Variants in RARB observed in about 807,000 individuals in gnomAD.
The protein encoded by RARB is retinoic acid receptor beta.
A neutral mutation model predicts 51.9 loss-of-function variants in RARB; 17 were observed. That is an observed-to-expected ratio of 0.33 (90% confidence interval 0.22 to 0.49). RARB has a LOEUF of 0.49. Among genes scored for constraint, RARB ranks in the 20% least tolerant of loss-of-function variants. The pLI is 0.99. For synonymous variants in RARB, 215 were observed against 195.4 expected, an observed-to-expected ratio of 1.10 and a Z score of -0.84; for missense variants, 369 against 550.8, an observed-to-expected ratio of 0.67 and a Z score of 3.30.
chr3:25,177,656 C>T (rs1700782113), intron 5 of RARB, among the ~76,000 whole-genome samples: 1 of 152,160 alleles, frequency 6.6e-6, no homozygotes, highest in Non-Finnish European at 1.5e-5. Context: ...TGAGGTTATA[C>T]CTGCTTGTCA....
chr3:24,947,918 G>A (rs1055209972), intron 2 of RARB, among the ~76,000 whole-genome samples: 3 of 151,982 alleles, frequency 2.0e-5, no homozygotes, highest in East Asian at 1.9e-4. Context: ...GGCAAGGCTT[G>A]TAGTGCATGC....
chr3:25,582,623 A>G (rs1701223652), intron 5 of RARB, among the ~76,000 whole-genome samples: 1 of 152,066 alleles, frequency 6.6e-6, no homozygotes, highest in African/African-American at 2.4e-5. Flanking sequence ...ATCAGGGTGC[A>G]GTCTCCACAA....
chr3:25,325,504 G>A (rs930525619), intron 5 of RARB, among the ~76,000 whole-genome samples: 1 of 151,874 alleles, frequency 6.6e-6, no homozygotes, highest in Non-Finnish European at 1.5e-5. Context: ...TGATGGAGTC[G>A]ATCTGGCTCA....
intron 5 of RARB, among the ~76,000 whole-genome samples, chr3:25,379,273 G>A (rs1706556889): frequency 6.6e-6 from 1 of 152,150 alleles, no homozygotes; most frequent in South Asian, 2.1e-4. Context: ...CTAATCAAAT[G>A]CAGGGTTTTT....
At chr3:25,162,573 C>T (rs573985683) in intron 4 of RARB, among the ~76,000 whole-genome samples, 20 of 152,322 alleles carry the variant, frequency 1.3e-4, no homozygotes, top group South Asian at 8.3e-4. Context: ...CATTAGCAGT[C>T]ACCCTCTATT....
intron 4 of RARB, among the ~76,000 whole-genome samples, chr3:25,153,573 A>G (rs1700327647): frequency 6.6e-6 from 1 of 152,214 alleles, no homozygotes; most frequent in South Asian, 2.1e-4. Context: ...TAAAACAGTA[A>G]TAAGAATATA....
chr3:25,180,874 T>G (rs1277074354), intron 5 of RARB, among the ~76,000 whole-genome samples: 1 of 152,162 alleles, frequency 6.6e-6, no homozygotes, highest in Admixed American at 6.5e-5. Context: ...AATGGTCAGG[T>G]GGTACCATCA....
At chr3:25,471,722 T>G in intron 2 of RARB, among the ~76,000 whole-genome samples, 1 of 151,750 alleles carries the variant, frequency 6.6e-6, no homozygotes, top group East Asian at 1.9e-4. Flanking sequence ...TTACTTTGCT[T>G]GTTGTTTGAA....
At chr3:25,433,810 TA>T (rs1708307585) in intron 1 of RARB, among the ~76,000 whole-genome samples, 2 of 152,156 alleles carry the variant, frequency 1.3e-5, no homozygotes, top group Non-Finnish European at 2.9e-5. Context: ...ACCCCATCAT[TA>T]AAAAGCATGA....
chr3:25,049,780 C>A (rs749510948), intron 2 of RARB, among the ~76,000 whole-genome samples: 32 of 152,126 alleles, frequency 2.1e-4, no homozygotes, highest in Non-Finnish European at 3.8e-4. Flanking sequence ...TGGATGATTC[C>A]CTGCAAATTT....
intron 4 of RARB, among the ~76,000 whole-genome samples, chr3:25,146,413 C>A (rs189357517): frequency 6.6e-6 from 1 of 151,494 alleles, no homozygotes; most frequent in African/African-American, 2.4e-5. Context: ...TTAAAGGGGG[C>A]AGGGTTATAT....
intron 5 of RARB, among the ~76,000 whole-genome samples, chr3:25,175,267 G>A (rs1209676554): frequency 6.6e-6 from 1 of 152,192 alleles, no homozygotes; most frequent in East Asian, 1.9e-4. Flanking sequence ...AAGACAAACT[G>A]TGGTAGCCAG....
At chr3:25,142,292 C>A (rs1009333861) in intron 4 of RARB, among the ~76,000 whole-genome samples, 1 of 152,112 alleles carries the variant, frequency 6.6e-6, no homozygotes, top group African/African-American at 2.4e-5. Flanking sequence ...CTAGATCGTG[C>A]CACTGCACTT....
intron 1 of RARB, 69 bp downstream of exon 1, chr3:25,428,957 G>A (rs1708093024): frequency 6.7e-7 from 1 of 1,487,360 alleles, no homozygotes; most frequent in Non-Finnish European, 9.1e-7. Flanking sequence ...CAATAAAGAC[G>A]TTGGAAATAA....
At chr3:25,247,027 G>C (rs1157101247) in intron 5 of RARB, among the ~76,000 whole-genome samples, 1 of 152,246 alleles carries the variant, frequency 6.6e-6, no homozygotes, top group African/African-American at 2.4e-5. Flanking sequence ...GCCCAGAGAG[G>C]AGGAATCTAG....
At position 25,124,875 on chromosome 3, in the gene RARB, C is replaced by T. The variant is rs56299227; in HGVS notation, c.-327-7286C>T. On this transcript the variant is annotated intron_variant, in intron 3 of 11. Transcript: ENST00000383772. ...TTTCTATGTTCCTTATGTATTTTTACAATAGATTGGTCTTTTCAGGCTTCT... is the reference window on the plus strand; with the variant it reads ...TTTCTATGTTCCTTATGTATTTTTATAATAGATTGGTCTTTTCAGGCTTCT... Among the ~76,000 whole-genome samples the T allele has an allele frequency of 5.6e-3, 860 of 152,236 alleles. 4 individuals are homozygous for T. Among genetic ancestry groups the T allele is most frequent in the Middle Eastern group, 0.02 (6 of 294 alleles).
intron 2 of RARB, among the ~76,000 whole-genome samples, chr3:25,011,487 GTTAGGAA>G (rs1227194417): frequency 6.6e-6 from 1 of 152,194 alleles, no homozygotes; most frequent in South Asian, 2.1e-4. Context: ...GCTATATTTA[GTTAGGAA>G]TTAGGAATTA....
intron 3 of RARB, among the ~76,000 whole-genome samples, chr3:25,118,873 AT>A (rs573578808): frequency 3.9e-5 from 6 of 152,078 alleles, no homozygotes; most frequent in Non-Finnish European, 8.8e-5. Flanking sequence ...TATAACTTTA[AT>A]TTTTATCTCA....
At chr3:25,449,868 C>T (rs1463554947) in intron 1 of RARB, among the ~76,000 whole-genome samples, 1 of 152,006 alleles carries the variant, frequency 6.6e-6, no homozygotes, top group African/African-American at 2.4e-5. Flanking sequence ...TCTCCTGCCC[C>T]AGCCTCCCGA....
Sources: gnomAD v4.1 joint callset for allele counts (sites outside exome capture counted in the v4.1 genomes callset) on GRCh38, gnomAD v4.1.1 for gene constraint, MANE v1.5 for transcripts, NCBI Gene and HGNC (gene_info 2026-07-23, HGNC 2026-07-21) for gene names.